The following SHMT1 variants were observed in gnomAD, a reference collection of about 807,000 sequenced individuals.
SHMT1 encodes the protein serine hydroxymethyltransferase 1.
Under a neutral mutation model 49.0 loss-of-function variants are expected in SHMT1, and 45 were observed. The ratio of observed to expected loss-of-function variants is 0.92; its 90% CI spans 0.72 to 1.18. SHMT1 has a LOEUF of 1.18. SHMT1 is among the 50% of genes most tolerant of loss of function. The pLI is 0.00. For missense variants in SHMT1, 541 were observed against 612.4 expected (o/e 0.88, Z 1.23); for synonymous variants, 232 against 246.6 (o/e 0.94, Z 0.55).
chr17:18,335,587 C>G lies in SHMT1; in HGVS notation c.903G>C (p.Gln301His). ...LINSAVFPGL[Q>H]GGPHNHAIAG... ...CAATGGCGTGGTTGTGGGGACCTCC[C>G]TGCAGGCCAGGGAACACAGCAGAAT... Residue 301 changes from glutamine (Q) to histidine (H), a missense_variant, in exon 8 of 12, where the codon CAG (glutamine) becomes CAC (histidine). By Grantham distance (24) the Gln-to-His change is conservative (BLOSUM62 0). Transcript: ENST00000316694. 13 of 1,613,784 alleles carry G rather than the reference C, an allele frequency of 8.1e-6. No individual in the cohort carries two copies. Among genetic ancestry groups the G allele is most frequent in the Non-Finnish European group, 1.1e-5 (13 of 1,179,904 alleles).
intron 1 of SHMT1, among the ~76,000 whole-genome samples, chr17:18,356,770 T>G (rs1295513690): frequency 6.6e-6 from 1 of 152,072 alleles, no homozygotes; most frequent in Non-Finnish European, 1.5e-5. Context: ...CATGTGGAAC[T>G]TCTGGTTCCT....
chr17:18,335,892 ACT>A (rs1983738448), intron 7 of SHMT1, among the ~76,000 whole-genome samples: 1 of 152,016 alleles, frequency 6.6e-6, no homozygotes, highest in African/African-American at 2.4e-5. Context: ...ATCATGGATG[ACT>A]CTGGCTGGAA....
chr17:18,334,943 CT>C (rs1983631714), intron 8 of SHMT1, among the ~76,000 whole-genome samples: 2 of 152,182 alleles, frequency 1.3e-5, no homozygotes, highest in South Asian at 2.1e-4. Context: ...TCTAGAAGTG[CT>C]TGTGCGTCTC....
In SHMT1 at chr17:18,340,139, C is replaced by T. The variant is rs150889470; in HGVS notation, c.718G>A (p.Val240Met). 7.9e-5 allele frequency: 127 copies of T among 1,614,150 alleles called. No individual in the cohort carries two copies. The African/African-American group carries it at 1.2e-3, about 15-fold the overall frequency. ...AHISGLVAAG[V>M]VPSPFEHCHV... ...CAGTGTTCAAATGGGGAGGGCACCA[C>T]GCCAGCCGCCACCAGCCCGCTGATG... The change falls in exon 7 of 12, where the codon GTG becomes ATG. Residue 240 changes from valine (V) to methionine (M), a missense_variant. Val to Met is a conservative substitution (Grantham distance 21). Transcript: ENST00000316694. This position sits in a 1 kb window ranked among gnomAD's most constrained non-coding sequence, Gnocchi z 4.5.
At chr17:18,360,775 G>A (rs1479623277) in intron 1 of SHMT1, among the ~76,000 whole-genome samples, 1 of 152,086 alleles carries the variant, frequency 6.6e-6, no homozygotes, top group Non-Finnish European at 1.5e-5. Flanking sequence ...CTGGCCAAGG[G>A]TCAGAAATCA....
At chr17:18,336,959 TAA>T (rs1344464031) in intron 7 of SHMT1, among the ~76,000 whole-genome samples, 2 of 151,980 alleles carry the variant, frequency 1.3e-5, no homozygotes, top group Non-Finnish European at 2.9e-5. Flanking sequence ...AAATAAAATT[TAA>T]AGAGTCTCCA....
intron 3 of SHMT1, among the ~76,000 whole-genome samples, chr17:18,351,630 C>T (rs984250536): frequency 6.6e-6 from 1 of 151,792 alleles, no homozygotes; most frequent in Non-Finnish European, 1.5e-5. Flanking sequence ...ATAAGTTAGT[C>T]GGGTGTGGTG....
rs77117473 is a variant in SHMT1 at position 18,355,777 on chromosome 17, C to T, written c.96+109G>A. 3,294 of 739,666 alleles carry T rather than the reference C, an allele frequency of 4.5e-3. 75 individuals carry two copies. In the African/African-American group the frequency reaches 0.051, roughly 11 times the overall value. The allele number at this position is 739,666 out of a possible 1,614,324, so 45.8% of individuals were successfully genotyped here. On this transcript the variant is annotated intron_variant, in intron 2 of 11. Transcript: ENST00000316694. ...TGTCTGCCACCACCTCTAAATCCAG[C>T]AGGATAATACTCATTTCAAGGCTGT...
intron 7 of SHMT1, among the ~76,000 whole-genome samples, chr17:18,337,743 C>A (rs943266292): frequency 6.6e-6 from 1 of 152,326 alleles, no homozygotes; most frequent in African/African-American, 2.4e-5. Flanking sequence ...GACTGGTTTT[C>A]GTATTTTTTT....
chr17:18,335,209 A>C (rs1285120379), intron 8 of SHMT1, among the ~76,000 whole-genome samples: 1 of 152,180 alleles, frequency 6.6e-6, no homozygotes, highest in Non-Finnish European at 1.5e-5. Flanking sequence ...CAGGCCCATC[A>C]AGGGCAAGGG....
chr17:18,361,756 G>A lies in SHMT1; in HGVS notation c.-20+1616C>T, dbSNP rs112939055. ...AGCCGAGATCGCGCCACTGCTCTCC[G>A]GCCTGGGCAACAGAGTGAGACTCCG... is the stretch of plus-strand genomic sequence containing the variant. On this transcript the variant is annotated intron_variant, in intron 1 of 11. Coordinates refer to ENST00000316694, the MANE Select transcript of SHMT1 (RefSeq NM_004169.5). Among the ~76,000 whole-genome samples, 7 of 151,614 alleles carry A rather than the reference G, an allele frequency of 4.6e-5. No homozygotes were observed. In the South Asian group the frequency reaches 8.4e-4, roughly 18 times the overall value.
intron 3 of SHMT1, among the ~76,000 whole-genome samples, chr17:18,350,364 G>C (rs1357503302): frequency 1.3e-5 from 2 of 151,636 alleles, no homozygotes; most frequent in Non-Finnish European, 2.9e-5. Context: ...AAAATAAATA[G>C]GCCAGATGTG....
intron 1 of SHMT1, among the ~76,000 whole-genome samples, chr17:18,361,159 A>C (rs1986719129): frequency 6.6e-6 from 1 of 151,898 alleles, no homozygotes; most frequent in African/African-American, 2.4e-5. Flanking sequence ...TACAAAAATG[A>C]GCTGGGTGTG....
rs1984614818 is a variant in SHMT1, at chr17:18,342,373, G to C, written c.520-1560C>G. Among the ~76,000 whole-genome samples the C allele has an allele frequency of 3.9e-5, 6 of 151,968 alleles. No homozygotes were observed. The South Asian group carries it at 1.2e-3, about 32-fold the overall frequency. On this transcript the variant is annotated intron_variant, in intron 5 of 11. Coordinates refer to ENST00000316694, the MANE Select transcript of SHMT1 (RefSeq NM_004169.5). ...ACTCTGTCACCCAGGCTGGAGTGCGGTGGTGCCATCTCGGCTCATTGCAAC... is the reference window on the plus strand; with the variant it reads ...ACTCTGTCACCCAGGCTGGAGTGCGCTGGTGCCATCTCGGCTCATTGCAAC...
At chr17:18,360,145 A>C (rs568437983) in intron 1 of SHMT1, among the ~76,000 whole-genome samples, 2 of 152,094 alleles carry the variant, frequency 1.3e-5, no homozygotes, top group African/African-American at 4.8e-5. Flanking sequence ...GCTATGCGGG[A>C]GGCTGAGGTA....
chr17:18,340,545 A>G lies in SHMT1; in HGVS notation c.601+187T>C. 1.4e-6 allele frequency: 1 copy of G among 702,276 alleles called. No individual in the cohort carries two copies. The highest frequency in any genetic ancestry group is 2.6e-6 in the Non-Finnish European group (1 of 389,840). 43.5% of individuals were successfully genotyped at this position (702,276 alleles called of 1,614,324 possible). On this transcript the variant is annotated intron_variant, in intron 6 of 11. Transcript: ENST00000316694. The surrounding 1 kb of genome is among the most constrained non-coding windows in gnomAD (Gnocchi z 4.5). ...AACAGTCTCACATCTTAATCTACAT[A>G]GCACAAAAAGCAGCAAACACACATC... is the stretch of plus-strand genomic sequence containing the variant.
chr17:18,352,610 C>G (rs1054934669), intron 3 of SHMT1, among the ~76,000 whole-genome samples: 2 of 151,916 alleles, frequency 1.3e-5, no homozygotes, highest in African/African-American at 4.8e-5. Context: ...TGCTTGAGCT[C>G]AGGAGATGGA....
chr17:18,342,762 C>T (rs1281116115), intron 5 of SHMT1, among the ~76,000 whole-genome samples: 1 of 151,484 alleles, frequency 6.6e-6, no homozygotes, highest in Non-Finnish European at 1.5e-5. Context: ...ATGGTGAAAC[C>T]CCGTCTCTAC....
intron 8 of SHMT1, among the ~76,000 whole-genome samples, chr17:18,333,752 G>A (rs1983496116): frequency 6.6e-6 from 1 of 151,452 alleles, no homozygotes; most frequent in Non-Finnish European, 1.5e-5. Flanking sequence ...TTACAGGCAT[G>A]AGCACCATGC....
Sources: allele counts gnomAD v4.1 joint callset (sites outside exome capture counted in the v4.1 genomes callset), GRCh38; gene constraint gnomAD v4.1.1; non-coding constraint Gnocchi (gnomAD v3.1); transcripts MANE v1.5; gene names NCBI Gene and HGNC (gene_info 2026-07-23, HGNC 2026-07-21).